The following RBFOX1 variants were observed in gnomAD, a reference collection of about 807,000 sequenced individuals.
RBFOX1 encodes the protein RNA binding fox-1 homolog 1.
RBFOX1 carries 8 observed loss-of-function variants against 57.7 expected under a neutral mutation model. The observed-to-expected ratio is 0.14, with a 90% CI of 0.08 to 0.25. The LOEUF (loss-of-function observed/expected upper bound fraction) is 0.25. Ranked by LOEUF, RBFOX1 falls within the 10% of genes least tolerant of loss-of-function variation. RBFOX1 has a pLI of 1.00. For synonymous variants in RBFOX1, 326 were observed against 222.4 expected, an observed-to-expected ratio of 1.47 and a Z score of -4.15; for missense variants, 611 against 548.5, an observed-to-expected ratio of 1.11 and a Z score of -1.14.
intron 3 of RBFOX1, among the ~76,000 whole-genome samples, chr16:6,797,716 C>T (rs902710171): frequency 6.6e-6 from 1 of 152,066 alleles, no homozygotes; most frequent in Non-Finnish European, 1.5e-5. Flanking sequence ...CATTAAAGTT[C>T]TGGTGTTTCC....
At chr16:6,678,126 TTGTTG>T (rs1411498301) in intron 3 of RBFOX1, among the ~76,000 whole-genome samples, 2 of 152,330 alleles carry the variant, frequency 1.3e-5, no homozygotes, top group Non-Finnish European at 2.9e-5. Flanking sequence ...TTGTTTTGTT[TTGTTG>T]TGTTGTGTTT....
At chr16:7,017,678 G>T (rs1011276894) in intron 3 of RBFOX1, among the ~76,000 whole-genome samples, 32 of 152,072 alleles carry the variant, frequency 2.1e-4, no homozygotes, top group African/African-American at 6.8e-4. Flanking sequence ...CCTTGGTGAG[G>T]GAAGCTTTTC....
chr16:7,111,797 A>AT (rs568576774), intron 4 of RBFOX1, among the ~76,000 whole-genome samples: 118 of 150,232 alleles, frequency 7.9e-4, no homozygotes, highest in African/African-American at 2.7e-3. Context: ...AATCTATTTG[A>AT]TTTTTTTTCC....
chr16:5,464,408 A>C (rs1034292714), intron 1 of RBFOX1, among the ~76,000 whole-genome samples: 12 of 152,192 alleles, frequency 7.9e-5, no homozygotes, highest in Non-Finnish European at 1.8e-4. Context: ...CCTTAGGAAA[A>C]GATGTCAGAG....
chr16:5,382,968 CT>C (rs1173905799), intron 1 of RBFOX1, among the ~76,000 whole-genome samples: 1 of 152,210 alleles, frequency 6.6e-6, no homozygotes, highest in Non-Finnish European at 1.5e-5. Context: ...ACTCTGACTG[CT>C]TTGCTGGGTT....
chr16:7,177,981 G>C (rs369514464), intron 4 of RBFOX1, among the ~76,000 whole-genome samples: 1 of 152,122 alleles, frequency 6.6e-6, no homozygotes. Context: ...TCACGCTCTG[G>C]TTCCTTTCTT....
At chr16:5,851,553 G>C (rs78824056) in intron 3 of RBFOX1, among the ~76,000 whole-genome samples, 6 of 152,184 alleles carry the variant, frequency 3.9e-5, no homozygotes, top group South Asian at 2.1e-4. Context: ...AAAAGCAAAC[G>C]GTCAACAGCA....
chr16:6,487,944 G>A (rs755213140), intron 2 of RBFOX1, among the ~76,000 whole-genome samples: 3 of 151,476 alleles, frequency 2.0e-5, no homozygotes, highest in Non-Finnish European at 2.9e-5. Flanking sequence ...TGGTTTGTTC[G>A]TTAAGTTTTC....
intron 1 of RBFOX1, among the ~76,000 whole-genome samples, chr16:5,367,319 C>G (rs1009401823): frequency 6.6e-6 from 1 of 152,194 alleles, no homozygotes; most frequent in African/African-American, 2.4e-5. Flanking sequence ...CAACTCCTGA[C>G]CTGCCCAGAA....
intron 3 of RBFOX1, among the ~76,000 whole-genome samples, chr16:6,740,744 A>G (rs1053364886): frequency 1.3e-5 from 2 of 152,238 alleles, no homozygotes; most frequent in African/African-American, 4.8e-5. Flanking sequence ...GGAAAAGCAC[A>G]GTGTGTTCAT....
At chr16:6,483,656 C>A (rs1189495228) in intron 2 of RBFOX1, 2 of 1,384,426 alleles carry the variant, frequency 1.4e-6, no homozygotes. Flanking sequence ...TTCCTGAAGC[C>A]CACTGACTCC....
At chr16:5,924,380 G>A (rs1180770871) in intron 4 of RBFOX1, among the ~76,000 whole-genome samples, 1 of 152,190 alleles carries the variant, frequency 6.6e-6, no homozygotes, top group African/African-American at 2.4e-5. Context: ...AATGAGAGGT[G>A]TTCGGGTCAT....
intron 3 of RBFOX1, among the ~76,000 whole-genome samples, chr16:6,901,062 G>A (rs1029777832): frequency 6.6e-6 from 1 of 152,104 alleles, no homozygotes; most frequent in Non-Finnish European, 1.5e-5. Flanking sequence ...TCACAGCTTG[G>A]CCACTGGATA....
Position 6,627,919 on chromosome 16 carries a change from G to A in RBFOX1, c.-63-26684G>A, listed in dbSNP as rs530241093. Among the ~76,000 whole-genome samples, 22 of 152,248 alleles carry A rather than the reference G, an allele frequency of 1.4e-4. No individual in the cohort carries two copies. The South Asian group carries it at 4.6e-3, about 32-fold the overall frequency. ...GGAGTTGCTTCATCACTCCCTAAAG[G>A]GGCCATCCTCAACTGTCTCCTGTTC... On this transcript the variant is annotated intron_variant, in intron 2 of 15. Transcript: ENST00000550418.
At chr16:7,177,430 A>G (rs1490887825) in intron 4 of RBFOX1, among the ~76,000 whole-genome samples, 1 of 152,084 alleles carries the variant, frequency 6.6e-6, no homozygotes, top group African/African-American at 2.4e-5. Context: ...TAAACATTCT[A>G]TGCATGTAAC....
In RBFOX1 at chr16:6,969,073, G is replaced by A. The variant is rs2084934475; in HGVS notation, c.-15-82984G>A. Among the ~76,000 whole-genome samples the A allele has an allele frequency of 1.3e-5, 2 of 152,066 alleles. 1 individual carries two copies. Among genetic ancestry groups the A allele is most frequent in the South Asian group, 4.2e-4 (2 of 4,812 alleles). ...AGTTCCCATCCGAGAGGTGTCAAGA[G>A]CACTTACAGGAGAGACCTTCTCCTA... On this transcript the variant is annotated intron_variant, in intron 3 of 15. Transcript: ENST00000550418.
intron 3 of RBFOX1, among the ~76,000 whole-genome samples, chr16:6,846,702 A>G (rs2093773604): frequency 6.6e-6 from 1 of 152,168 alleles, no homozygotes; most frequent in Admixed American, 6.5e-5. Context: ...GTTCGCCAGT[A>G]TCCGGGAGAA....
In RBFOX1 at chr16:5,887,242, G is replaced by A. The variant is rs1019763708; in HGVS notation, c.351+19907G>A. Among the ~76,000 whole-genome samples, 9 of 152,184 alleles carry A rather than the reference G, an allele frequency of 5.9e-5. No homozygotes were observed. The South Asian group carries it at 1.7e-3, about 28-fold the overall frequency. ...TGTTTTCAGGAATCCCCCATGCATG[G>A]CAGCACAGTCAGCATTCGTGGTACC... On this transcript the variant is annotated intron_variant, in intron 4 of 19. Transcript: ENST00000641259.
In RBFOX1 at chr16:6,177,882, C is replaced by G. The variant is rs368234709; in HGVS notation, c.-126-139113C>G. On this transcript the variant is annotated intron_variant, in intron 1 of 15. Coordinates refer to ENST00000550418, the MANE Select transcript of RBFOX1 (RefSeq NM_018723.4). ...AGACCACAGCTACATCCATCTAATT[C>G]AGGAAGAACTTGAAATAGCTCCTGC... Among the ~76,000 whole-genome samples, 35 of 143,332 alleles carry G rather than the reference C, an allele frequency of 2.4e-4. No individual in the cohort carries two copies. The East Asian group carries it at 6.4e-3, about 26-fold the overall frequency. 94.0% of individuals were successfully genotyped at this position (143,332 alleles called of 152,430 possible). A position where few individuals can be genotyped will look rare whatever the true frequency, so the allele number is the denominator to read the frequency against.
Sources: allele counts gnomAD v4.1 joint callset (sites outside exome capture counted in the v4.1 genomes callset), GRCh38; gene constraint gnomAD v4.1.1; transcripts MANE v1.5; gene names NCBI Gene and HGNC (gene_info 2026-07-23, HGNC 2026-07-21).